The following ASPM variants were observed in gnomAD, a reference collection of about 807,000 sequenced individuals.
ASPM encodes the protein assembly factor for spindle microtubules.
A neutral mutation model predicts 366.4 loss-of-function variants in ASPM; 256 were observed. The ratio of observed to expected loss-of-function variants is 0.70; its 90% confidence interval spans 0.63 to 0.77. The LOEUF is 0.77. ASPM is among the 30% of genes least tolerant of loss of function. The pLI is 0.00. For missense variants in ASPM, 4,146 were observed against 4,090.4 expected, an observed-to-expected ratio of 1.01 and a Z score of -0.37; for synonymous variants, 1,414 against 1,342.9, an observed-to-expected ratio of 1.05 and a Z score of -1.16.
intron 17 of ASPM, among the ~76,000 whole-genome samples, chr1:197,116,334 A>G (rs1657734789): frequency 6.6e-6 from 1 of 152,114 alleles, no homozygotes; most frequent in Non-Finnish European, 1.5e-5. Context: ...TATCTAGACC[A>G]CTCACACTTC....
At position 197,143,529 on chromosome 1, in the gene ASPM, T is replaced by C. The variant is rs1359233533; in HGVS notation, c.723A>G (p.Val241=). ...GAGATGAGTAGGTAGTAGATCGACG[T>C]ACAGAGAGTGGCAAGCAAGTTGCAC... ...CHGATCLPLS[V]RRSTTYSSLH... The change falls in exon 3 of 28, where the codon GTA becomes GTG. Residue 241 remains valine, a synonymous_variant. Transcript: ENST00000367409. 2 of 1,613,946 alleles carry C rather than the reference T, an allele frequency of 1.2e-6. No individual in the cohort carries two copies. The highest frequency in any genetic ancestry group is 1.7e-6 in the Non-Finnish European group (2 of 1,179,934).
At chr1:197,130,246 A>G (rs1658218774) in intron 7 of ASPM, among the ~76,000 whole-genome samples, 190 bp from the exon 8 acceptor site, 1 of 152,202 alleles carries the variant, frequency 6.6e-6, no homozygotes, top group Admixed American at 6.5e-5. Flanking sequence ...TATATAGTAT[A>G]CGTTGCAATG....
In ASPM at chr1:197,104,550, C is replaced by T; in HGVS notation, c.4701G>A (p.Gln1567=). Residue 1567 remains glutamine (Q), a synonymous_variant, in exon 18 of 28, where the codon CAG becomes CAA. Coordinates refer to ENST00000367409, the MANE Select transcript of ASPM (RefSeq NM_018136.5). ...CRQIRAACVI[Q]SYWRMRQDRV... is the part of the protein sequence containing the mutation. ...TGTCTTGTCTCATTCTCCAGTATGA[C>T]TGAATAACACAAGCAGCTCTAATTT... 6.2e-7 allele frequency: 1 copy of T among 1,612,798 alleles called. No homozygotes were observed. Among genetic ancestry groups the T allele is most frequent in the African/African-American group, 1.3e-5 (1 of 74,952 alleles).
In ASPM at chr1:197,100,973, T is replaced by C; in HGVS notation, c.8278A>G (p.Asn2760Asp). ...RGMKVRQKLKNVSEEKMAAIV... is the reference protein window; with the variant it reads ...RGMKVRQKLKDVSEEKMAAIV... ...GCTGCCATCTTTTCCTCTGATACAT[T>C]TTTCAATTTTTGTCTAACTTTCATG... Residue 2760 changes from asparagine (N) to aspartate (D), a missense_variant, in exon 18 of 28, where the codon AAT (asparagine) becomes GAT (aspartate). Asn to Asp is a conservative substitution (Grantham distance 23). This residue lies in a region of ASPM where 3,624 missense variants were observed against 3,591.7 expected (regional missense o/e 1.01). Transcript: ENST00000367409. The C allele has an allele frequency of 6.2e-7, 1 of 1,612,578 alleles. No individual in the cohort carries two copies.
In ASPM at chr1:197,100,885, CT is replaced by C. The variant is rs1353421249; in HGVS notation, c.8365del (p.Ser2789ValfsTer5). ...CCACTCTTGAATCATAACACCTTCACTTTGAACAGCTTCATACTGAGTTTTA... is the reference window on the plus strand; with the variant it reads ...CCACTCTTGAATCATAACACCTTCACTTGAACAGCTTCATACTGAGTTTTA... ...RSKTQYEAVQ[S>X]EGVMIQEWYK... On this transcript the variant is annotated frameshift_variant, in exon 18 of 28. Coordinates refer to ENST00000367409, the MANE Select transcript of ASPM (RefSeq NM_018136.5). LOFTEE classifies it high-confidence loss of function. 5.6e-6 allele frequency: 9 copies of C among 1,612,628 alleles called. No individual in the cohort carries two copies. The highest frequency in any genetic ancestry group is 7.6e-6 in the Non-Finnish European group (9 of 1,179,120).
At position 197,094,062 on chromosome 1, in the gene ASPM, T is replaced by C. The variant is rs374147770; in HGVS notation, c.9084+22A>G. The C allele has an allele frequency of 1.6e-5, 22 of 1,355,384 alleles. No homozygotes were observed. In the African/African-American group the frequency reaches 2.7e-4, roughly 17 times the overall value. The allele number at this position is 1,355,384 out of a possible 1,614,324, so 84.0% of individuals were successfully genotyped here. On this transcript the variant is annotated intron_variant, in intron 20 of 27. Transcript: ENST00000367409. ...ATTTCCTAAAGTAGTTATTTGCAAG[T>C]GAATTAATTTTTAATACCTACTTTT...
chr1:197,126,559 C>T (rs1318603396), intron 10 of ASPM, among the ~76,000 whole-genome samples: 2 of 151,540 alleles, frequency 1.3e-5, no homozygotes, highest in Non-Finnish European at 2.9e-5. Flanking sequence ...AAAACAATTC[C>T]TATTGGCCAG....
chr1:197,113,565 A>G (rs958572191), intron 17 of ASPM, among the ~76,000 whole-genome samples: 1 of 152,174 alleles, frequency 6.6e-6, no homozygotes, highest in Non-Finnish European at 1.5e-5. Context: ...CTTGTAGAGT[A>G]TAACATAGGC....
rs574064086 is a variant in ASPM at position 197,142,675 on chromosome 1, C to T, written c.1577G>A (p.Gly526Asp). Residue 526 changes from glycine to aspartate, a missense_variant, in exon 3 of 28, where the codon GGT (glycine) becomes GAT (aspartate). Physicochemically the swap from Gly to Asp is moderately conservative, Grantham distance 94. Transcript: ENST00000367409. ...KAKRCLNSAV[G>D]EHEKVINNQK... ...ATTATTTATTACTTTTTCATGTTCACCCACTGCACTGTTGAGACATCTTTT... is the reference window on the plus strand; with the variant it reads ...ATTATTTATTACTTTTTCATGTTCATCCACTGCACTGTTGAGACATCTTTT... The T allele has an allele frequency of 1.2e-6, 2 of 1,613,566 alleles. No homozygotes were observed. The highest frequency in any genetic ancestry group is 1.7e-4 in the Middle Eastern group (1 of 6,056).
In ASPM at chr1:197,103,920, T is replaced by C; in HGVS notation, c.5331A>G (p.Ala1777=). The change falls in exon 18 of 28, where the codon GCA becomes GCG. Residue 1777 remains alanine (A), a synonymous_variant. Coordinates refer to ENST00000367409, the MANE Select transcript of ASPM (RefSeq NM_018136.5). ...GATAGTAATTCTGAATGACAATAAT[T>C]GCTTTATACATTTTCAGATAATACT... ...ARQYYLKMYK[A]IIVIQNYYHA... is the part of the protein sequence containing the mutation. 1 of 1,612,806 alleles carries C rather than the reference T, an allele frequency of 6.2e-7. No homozygotes were observed. Among genetic ancestry groups the C allele is most frequent in the Non-Finnish European group, 8.5e-7 (1 of 1,179,342 alleles).
chr1:197,090,235 T>C lies in ASPM; in HGVS notation c.9790A>G (p.Lys3264Glu). 1 of 1,613,592 alleles carries C rather than the reference T, an allele frequency of 6.2e-7. No homozygotes were observed. The highest frequency in any genetic ancestry group is 1.1e-5 in the South Asian group (1 of 91,076). Residue 3264 changes from lysine to glutamate, a missense_variant, in exon 24 of 28, where the codon AAG (lysine) becomes GAG (glutamate). Coordinates refer to ENST00000367409, the MANE Select transcript of ASPM (RefSeq NM_018136.5). ...GCCTCAAGAATGGCAGAAAGGTGCT[T>C]ATATGTCAAAAGGTAATGAAGTGCA... ...ALALHYLLTYKHLSAILEALK... is the reference protein window; with the variant it reads ...ALALHYLLTYEHLSAILEALK...
rs566180434 is a variant in ASPM, at chr1:197,118,236, T to C, written c.3871-253A>G. Among the ~76,000 whole-genome samples, 12 of 152,272 alleles carry C rather than the reference T, an allele frequency of 7.9e-5. No individual in the cohort carries two copies. In the South Asian group the frequency reaches 2.5e-3, roughly 32 times the overall value. Reference sequence around the variant, plus strand: ...TAGTCTAAGATAAAGATTAGACATGTTTGATCTATCACAGATCCTCAGTAA... The same window carrying C: ...TAGTCTAAGATAAAGATTAGACATGCTTGATCTATCACAGATCCTCAGTAA... On this transcript the variant is annotated intron_variant, in intron 16 of 27. Transcript: ENST00000367409.
chr1:197,091,255 T>C (rs774435149), intron 22 of ASPM, among the ~76,000 whole-genome samples: 3 of 151,942 alleles, frequency 2.0e-5, no homozygotes, highest in Admixed American at 6.6e-5. Context: ...TGCACACACA[T>C]GCACAGGAGT....
intron 1 of ASPM, among the ~76,000 whole-genome samples, chr1:197,144,622 C>T (rs2125115156): frequency 6.6e-6 from 1 of 152,186 alleles, no homozygotes; most frequent in African/African-American, 2.4e-5. Context: ...TGCTAACATC[C>T]CTAGGAAGCA....
Position 197,129,913 on chromosome 1 carries a change from A to G in ASPM, c.2629+2T>C. The G allele has an allele frequency of 6.2e-7, 1 of 1,612,646 alleles. No homozygotes were observed. The highest frequency in any genetic ancestry group is 2.2e-5 in the East Asian group (1 of 44,854). On this transcript the variant is annotated splice_donor_variant, in intron 8 of 27. Transcript: ENST00000367409. LOFTEE classifies it high-confidence loss of function. The stretch of plus-strand genomic sequence containing the variant: ...GAATGTAGGAGAGGCAGAGATACTT[A>G]CCATCTCTATACAGGTGAGGAACAG...
At chr1:197,091,837 T>A in intron 22 of ASPM, 70 bp downstream of exon 22, 7 of 1,505,206 alleles carry the variant, frequency 4.7e-6, no homozygotes, top group Non-Finnish European at 6.4e-6. Context: ...TTGGAAATTG[T>A]TTATTACATA....
intron 17 of ASPM, among the ~76,000 whole-genome samples, chr1:197,116,480 T>C (rs1657740310): frequency 6.6e-6 from 1 of 152,188 alleles, no homozygotes; most frequent in Non-Finnish European, 1.5e-5. Context: ...GTTGCAGACT[T>C]GCTTAACACA....
Position 197,102,044 on chromosome 1 carries a change from G to A in ASPM, c.7207C>T (p.His2403Tyr). 2 of 1,612,926 alleles carry A rather than the reference G, an allele frequency of 1.2e-6. No individual in the cohort carries two copies. Among genetic ancestry groups the A allele is most frequent in the Non-Finnish European group, 1.7e-6 (2 of 1,179,304 alleles). ...AAFRGMKTRR[H>Y]LKSMHSSATL... The stretch of plus-strand genomic sequence containing the variant: ...GCAGAGGAATGCATACTCTTCAAAT[G>A]TCTTCTAGTTTTCATACCCCTGAAT... Residue 2403 changes from histidine to tyrosine, a missense_variant, in exon 18 of 28, where the codon CAT (histidine) becomes TAT (tyrosine). Transcript: ENST00000367409.
chr1:197,125,274 C>T (rs572111550), intron 10 of ASPM, 83 bp from the exon 11 acceptor site: 2 of 1,490,814 alleles, frequency 1.3e-6, no homozygotes, highest in East Asian at 2.3e-5. Flanking sequence ...TTATTTCCCA[C>T]ATAAATCCCA....
Sources: gnomAD v4.1 joint callset for allele counts (sites outside exome capture counted in the v4.1 genomes callset) on GRCh38, gnomAD v4.1.1 for gene constraint, gnomAD v4.1.1 regional missense constraint, MANE v1.5 for transcripts, NCBI Gene and HGNC (gene_info 2026-07-23, HGNC 2026-07-21) for gene names.